Variants in CLVS1 observed in about 807,000 individuals in gnomAD.
The protein encoded by CLVS1 is clavesin-1.
CLVS1 carries 10 observed loss-of-function variants against 33.1 expected under a neutral mutation model. The ratio of observed to expected loss-of-function variants is 0.30; its 90% CI spans 0.19 to 0.51. The LOEUF is 0.51. CLVS1 is among the 20% of genes least tolerant of loss of function. The pLI, the probability that CLVS1 is intolerant of heterozygous loss-of-function variation, is 0.97. For missense variants in CLVS1, 343 were observed against 433.4 expected (o/e 0.79, Z 1.85); for synonymous variants, 163 against 166.1 (o/e 0.98, Z 0.14).
intron 5 of CLVS1, among the ~76,000 whole-genome samples, chr8:61,475,397 T>C (rs933563983): frequency 1.3e-5 from 2 of 152,230 alleles, no homozygotes; most frequent in Non-Finnish European, 2.9e-5. Flanking sequence ...GTTGAACTAG[T>C]TTAGAGTCCC....
At chr8:61,107,718 G>C (rs1184427830) in intron 1 of CLVS1, among the ~76,000 whole-genome samples, 2 of 152,220 alleles carry the variant, frequency 1.3e-5, no homozygotes, top group Non-Finnish European at 2.9e-5. Flanking sequence ...TCTCCCCATT[G>C]CGTTACTAAG....
intron 5 of CLVS1, among the ~76,000 whole-genome samples, chr8:61,498,824 G>C (rs1586065753): frequency 6.6e-6 from 1 of 152,270 alleles, no homozygotes; most frequent in East Asian, 1.9e-4. Context: ...ACTCCCCCAA[G>C]CTTCCCAGCC....
At chr8:61,108,586 A>G (rs1344356480) in intron 1 of CLVS1, among the ~76,000 whole-genome samples, 1 of 152,230 alleles carries the variant, frequency 6.6e-6, no homozygotes, top group Non-Finnish European at 1.5e-5. Flanking sequence ...TTCCATGGGT[A>G]AGCCTAAGTC....
At chr8:61,427,474 C>G (rs566789428) in intron 3 of CLVS1, among the ~76,000 whole-genome samples, 2 of 152,246 alleles carry the variant, frequency 1.3e-5, no homozygotes, top group African/African-American at 4.8e-5. Context: ...GGAGGGGAAA[C>G]AGTAAACAGC....
At chr8:61,375,924 G>A (rs1813621790) in intron 2 of CLVS1, among the ~76,000 whole-genome samples, 1 of 152,198 alleles carries the variant, frequency 6.6e-6, no homozygotes, top group Non-Finnish European at 1.5e-5. Flanking sequence ...GAACTGGAGA[G>A]CTGTCATTCT....
intron 1 of CLVS1, among the ~76,000 whole-genome samples, chr8:61,095,497 T>TC (rs1275496662): frequency 6.6e-6 from 1 of 152,088 alleles, no homozygotes; most frequent in Non-Finnish European, 1.5e-5. Context: ...GTAGGCAGTG[T>TC]CCCATGGAAA....
intron 1 of CLVS1, among the ~76,000 whole-genome samples, chr8:61,060,876 A>T (rs1219736400): frequency 6.6e-6 from 1 of 152,228 alleles, no homozygotes; most frequent in Non-Finnish European, 1.5e-5. Flanking sequence ...TCTGAGCCCC[A>T]TTCCTACAAA....
At chr8:61,228,601 T>G (rs761213364) in intron 2 of CLVS1, among the ~76,000 whole-genome samples, 1 of 152,244 alleles carries the variant, frequency 6.6e-6, no homozygotes, top group Non-Finnish European at 1.5e-5. Flanking sequence ...TTTGTTTTTA[T>G]GAGTTCTACT....
chr8:61,101,330 T>C (rs1805445908), intron 1 of CLVS1, among the ~76,000 whole-genome samples: 1 of 152,202 alleles, frequency 6.6e-6, no homozygotes, highest in Admixed American at 6.5e-5. Context: ...TGGTTAATGA[T>C]GTTGAGCATC....
At chr8:61,289,359 A>G (rs944248647) in intron 1 of CLVS1, among the ~76,000 whole-genome samples, 5 of 152,346 alleles carry the variant, frequency 3.3e-5, no homozygotes, top group South Asian at 2.1e-4. Flanking sequence ...ATTAATTTGA[A>G]CCTGAAAGTC....
In CLVS1 at chr8:61,495,655, TTAACAGCAGCATGGCAGCATGTG is replaced by T. The variant is rs530366670; in HGVS notation, c.978-3796_978-3774del. Reference sequence around the variant, plus strand: ...TACCTTTGAGATGGGAGAGAAATTGTTAACAGCAGCATGGCAGCATGTGTAAATACAGCCAGATTTCCCTTTGG... The same window carrying T: ...TACCTTTGAGATGGGAGAGAAATTGTTAAATACAGCCAGATTTCCCTTTGG... On this transcript the variant is annotated intron_variant, in intron 5 of 5. Transcript: ENST00000325897. Among the ~76,000 whole-genome samples, 22 of 152,336 alleles carry T rather than the reference TTAACAGCAGCATGGCAGCATGTG, an allele frequency of 1.4e-4. No homozygotes were observed. In the East Asian group the frequency reaches 4.2e-3, roughly 29 times the overall value.
At chr8:61,247,768 G>C (rs1335392896) in intron 2 of CLVS1, among the ~76,000 whole-genome samples, 1 of 152,142 alleles carries the variant, frequency 6.6e-6, no homozygotes, top group Non-Finnish European at 1.5e-5. Context: ...TTCTTTTGCT[G>C]TGCAGAAGTT....
chr8:60,986,139 A>G, the CLVS1 span, among the ~76,000 whole-genome samples: 1 of 152,238 alleles, frequency 6.6e-6, no homozygotes, highest in East Asian at 1.9e-4. Context: ...AAAGGTTATG[A>G]AAACCTCTTC....
chr8:61,337,653 C>T (rs1811853860), intron 2 of CLVS1, among the ~76,000 whole-genome samples: 2 of 152,146 alleles, frequency 1.3e-5, no homozygotes, highest in Admixed American at 6.5e-5. Flanking sequence ...TATGTGTCTT[C>T]CCATACAACC....
intron 2 of CLVS1, among the ~76,000 whole-genome samples, chr8:61,256,374 G>A (rs372632797): frequency 7.8e-4 from 119 of 152,280 alleles, no homozygotes; most frequent in African/African-American, 2.5e-3. Flanking sequence ...TTAGCCGGGC[G>A]TGGTGGCAGA....
intron 2 of CLVS1, chr8:61,300,537 T>TAAAATTGAAAATTGA (rs988776628): frequency 2.7e-6 from 1 of 366,408 alleles, no homozygotes; most frequent in Non-Finnish European, 4.9e-6. Flanking sequence ...TTCACTTTAG[T>TAAAATTGAAAATTGA]AAAATTGAAA....
intron 5 of CLVS1, among the ~76,000 whole-genome samples, chr8:61,462,023 C>T (rs753736318): frequency 7.9e-5 from 12 of 152,164 alleles, no homozygotes; most frequent in Middle Eastern, 3.4e-3. Context: ...ATGGGATTAG[C>T]GAGGAAATGG....
chr8:61,071,491 A>T (rs947328158), intron 1 of CLVS1, among the ~76,000 whole-genome samples: 9 of 152,168 alleles, frequency 5.9e-5, no homozygotes, highest in Non-Finnish European at 1.0e-4. Context: ...CCTCTCTCTT[A>T]TAAGGACATC....
At chr8:61,010,422 G>C in the CLVS1 span, among the ~76,000 whole-genome samples, 1 of 152,184 alleles carries the variant, frequency 6.6e-6, no homozygotes, top group African/African-American at 2.4e-5. Flanking sequence ...TGTTCCAAAA[G>C]TTGTATGGGA....
Sources: gnomAD v4.1 joint callset for allele counts (sites outside exome capture counted in the v4.1 genomes callset) on GRCh38, gnomAD v4.1.1 for gene constraint, MANE v1.5 for transcripts, NCBI Gene and HGNC (gene_info 2026-07-23, HGNC 2026-07-21) for gene names.